The following ARHGAP31 variants were observed in gnomAD, a reference collection of about 807,000 sequenced individuals.
The protein encoded by ARHGAP31 is Rho GTPase activating protein 31, also known as rho GTPase-activating protein 31.
In ARHGAP31, 34 loss-of-function variants were observed where a neutral mutation model predicts 113.9. The ratio of observed to expected loss-of-function variants is 0.30; its 90% CI spans 0.23 to 0.40. The LOEUF (loss-of-function observed/expected upper bound fraction) is 0.40. Among genes scored for constraint, ARHGAP31 ranks in the 10% least tolerant of loss-of-function variants. The probability of loss-of-function intolerance (pLI) is 1.00; values close to 1 mark genes in which losing one functional copy is unlikely to be tolerated. For missense variants in ARHGAP31, 1,548 were observed against 1,767.1 expected, an observed-to-expected ratio of 0.88 and a Z score of 2.22; for synonymous variants, 650 against 684.8, an observed-to-expected ratio of 0.95 and a Z score of 0.79.
chr3:119,404,099 G>A (rs1286047308), intron 10 of ARHGAP31, among the ~76,000 whole-genome samples: 2 of 152,278 alleles, frequency 1.3e-5, no homozygotes, highest in East Asian at 1.9e-4. Flanking sequence ...TCATGGGCTG[G>A]TGTGGGTCAT....
chr3:119,331,931 T>G (rs1467244337), intron 1 of ARHGAP31, among the ~76,000 whole-genome samples: 4 of 152,042 alleles, frequency 2.6e-5, no homozygotes, highest in African/African-American at 9.7e-5. Context: ...TTCCCTTAGG[T>G]GAAGAGCTCC....
intron 7 of ARHGAP31, among the ~76,000 whole-genome samples, chr3:119,391,858 T>C (rs2107636091): frequency 6.6e-6 from 1 of 152,222 alleles, no homozygotes; most frequent in East Asian, 1.9e-4. Flanking sequence ...GAGAAACCCA[T>C]CTGTGTGCTG....
rs2080499254 is a variant in ARHGAP31 at position 119,390,993 on chromosome 3, A to ACT, written c.881+13_881+14dup. ...AGTTACCAGACAACAAGTAAGTGGC[A>ACT]CTCTTTTAAAAAATTCTAGGAGATG... On this transcript the variant is annotated intron_variant, in intron 7 of 11. Coordinates refer to ENST00000264245, the MANE Select transcript of ARHGAP31 (RefSeq NM_020754.4). 7 of 1,613,648 alleles carry ACT rather than the reference A, an allele frequency of 4.3e-6. No individual in the cohort carries two copies. In the East Asian group the frequency reaches 1.6e-4, roughly 36 times the overall value.
At chr3:119,402,458 C>A in intron 10 of ARHGAP31, 61 bp downstream of exon 10, 1 of 1,559,496 alleles carries the variant, frequency 6.4e-7, no homozygotes, top group Non-Finnish European at 8.8e-7. Flanking sequence ...CTTAAATTTG[C>A]TTGAGTTTGC....
chr3:119,325,430 C>T lies in ARHGAP31; in HGVS notation c.100+30426C>T, dbSNP rs143496507. Among the ~76,000 whole-genome samples the T allele has an allele frequency of 3.1e-3, 475 of 152,342 alleles. 4 individuals are homozygous for T. The highest frequency in any genetic ancestry group is 0.011 in the African/African-American group (461 of 41,568). On this transcript the variant is annotated intron_variant, in intron 1 of 11. Transcript: ENST00000264245. ...GATGTTGTTCCCCCTTTACAGGCAA[C>T]ATATTTTAGTGGCTTGCCCAAGGAG...
chr3:119,356,757 C>T (rs1403259413), intron 1 of ARHGAP31, among the ~76,000 whole-genome samples: 1 of 152,180 alleles, frequency 6.6e-6, no homozygotes, highest in African/African-American at 2.4e-5. Context: ...TTTTTAGTGA[C>T]CACATAGTAT....
chr3:119,382,565 C>G (rs1290387818), intron 5 of ARHGAP31, among the ~76,000 whole-genome samples, 166 bp downstream of exon 5: 1 of 152,212 alleles, frequency 6.6e-6, no homozygotes, highest in Non-Finnish European at 1.5e-5. Flanking sequence ...TGATAATAGC[C>G]TAAGCTCTCT....
At chr3:119,410,192 C>T (rs1371561591) in intron 11 of ARHGAP31, among the ~76,000 whole-genome samples, 3 of 152,232 alleles carry the variant, frequency 2.0e-5, no homozygotes, top group African/African-American at 7.2e-5. Flanking sequence ...GTTGTCTACA[C>T]TTATTTCCAA....
At chr3:119,297,907 G>C (rs2079546523) in intron 1 of ARHGAP31, among the ~76,000 whole-genome samples, 2 of 97,040 alleles carry the variant, frequency 2.1e-5, no homozygotes, top group South Asian at 6.5e-4. Flanking sequence ...CCTTTCCTTA[G>C]AAACACACAC....
chr3:119,380,347 C>T (rs74391335), intron 3 of ARHGAP31, among the ~76,000 whole-genome samples: 4,840 of 152,220 alleles, frequency 0.032, 162 homozygotes, highest in African/African-American at 0.082. Flanking sequence ...CCTGTCATCT[C>T]CATCTCATTC....
rs1559996771 is a variant in ARHGAP31 at position 119,409,779 on chromosome 3, A to AAAG, written c.1926+4_1926+6dup. 2.5e-6 allele frequency: 4 copies of AAAG among 1,599,192 alleles called. No homozygotes were observed. Among genetic ancestry groups the AAAG allele is most frequent in the Non-Finnish European group, 3.4e-6 (4 of 1,173,364 alleles). Reference sequence around the variant, plus strand: ...AAGCTGTGCTTCTCCATGAGATGGTAAAGTGCATTCTCCACCTGCTCCAGC... The same window carrying AAAG: ...AAGCTGTGCTTCTCCATGAGATGGTAAAGAAGTGCATTCTCCACCTGCTCCAGC... On this transcript the variant is annotated splice_donor_region_variant and intron_variant, in intron 11 of 11. Transcript: ENST00000264245.
chr3:119,407,111 C>T (rs776685957), intron 10 of ARHGAP31, among the ~76,000 whole-genome samples: 4 of 151,822 alleles, frequency 2.6e-5, no homozygotes, highest in South Asian at 2.1e-4. Context: ...TTTGGGAGGC[C>T]GGGGTAGGCA....
At chr3:119,328,030 G>T (rs2079861010) in intron 1 of ARHGAP31, among the ~76,000 whole-genome samples, 1 of 152,084 alleles carries the variant, frequency 6.6e-6, no homozygotes, top group Non-Finnish European at 1.5e-5. Context: ...CCTTCCCAAG[G>T]ATCATAGAGT....
At chr3:119,385,684 C>A (rs995330888) in intron 6 of ARHGAP31, among the ~76,000 whole-genome samples, 54 of 152,168 alleles carry the variant, frequency 3.5e-4, no homozygotes, top group African/African-American at 1.3e-3. Flanking sequence ...TTACAGCAAA[C>A]ATGATAAAGT....
chr3:119,344,197 C>T (rs58278378), intron 1 of ARHGAP31, among the ~76,000 whole-genome samples: 2,483 of 152,312 alleles, frequency 0.016, 74 homozygotes, highest in African/African-American at 0.056. Context: ...CATACTGATA[C>T]AAGAAATTAT....
chr3:119,415,039 C>T lies in ARHGAP31; in HGVS notation c.3110C>T (p.Pro1037Leu), dbSNP rs1200924424. 1 of 1,614,148 alleles carries T rather than the reference C, an allele frequency of 6.2e-7. No homozygotes were observed. Among genetic ancestry groups the T allele is most frequent in the Non-Finnish European group, 8.5e-7 (1 of 1,180,016 alleles). Residue 1037 changes from proline to leucine, a missense_variant, in exon 12 of 12, where the codon CCC (proline) becomes CTC (leucine). By Grantham distance (98) the Pro-to-Leu change is moderately conservative. Transcript: ENST00000264245. ...GVQPNPAETS[P>L]ISLAEGKELG... ...CAACCCAACCCAGCAGAAACCAGCC[C>T]CATCAGCCTAGCAGAGGGAAAGGAG... is the stretch of plus-strand genomic sequence containing the variant.
chr3:119,307,366 G>A (rs1252630362), intron 1 of ARHGAP31, among the ~76,000 whole-genome samples: 2 of 152,148 alleles, frequency 1.3e-5, no homozygotes, highest in East Asian at 1.9e-4. Context: ...TTTCCTTGAG[G>A]ATTGGAAATC....
chr3:119,330,472 C>A (rs908192048), intron 1 of ARHGAP31, among the ~76,000 whole-genome samples: 1 of 152,198 alleles, frequency 6.6e-6, no homozygotes, highest in African/African-American at 2.4e-5. Flanking sequence ...TGACTCCTGG[C>A]TCTCAGTGGC....
intron 1 of ARHGAP31, among the ~76,000 whole-genome samples, chr3:119,303,428 A>G (rs35441453): frequency 0.063 from 9,656 of 152,266 alleles, 393 homozygotes; most frequent in African/African-American, 0.11. Flanking sequence ...GGTGTGAACC[A>G]CATTCTTGGC....
Sources: gnomAD v4.1 joint callset for allele counts (sites outside exome capture counted in the v4.1 genomes callset) on GRCh38, gnomAD v4.1.1 for gene constraint, MANE v1.5 for transcripts, NCBI Gene and HGNC (gene_info 2026-07-23, HGNC 2026-07-21) for gene names.